Variants in LDLRAD4 observed in about 807,000 individuals in gnomAD.
LDLRAD4 encodes the protein low density lipoprotein receptor class A domain containing 4.
A neutral mutation model predicts 17.0 loss-of-function variants in LDLRAD4; 5 were observed. The ratio of observed to expected loss-of-function variants is 0.29; its 90% CI spans 0.15 to 0.62. The LOEUF is 0.62. Among genes scored for constraint, LDLRAD4 ranks in the 20% least tolerant of loss-of-function variants. The pLI, the probability that LDLRAD4 is intolerant of heterozygous loss-of-function variation, is 0.84. For missense variants in LDLRAD4, 340 were observed against 424.7 expected, an observed-to-expected ratio of 0.80 and a Z score of 1.75; for synonymous variants, 168 against 171.8, an observed-to-expected ratio of 0.98 and a Z score of 0.17.
chr18:13,281,781 G>T (rs1202617368), intron 1 of LDLRAD4, among the ~76,000 whole-genome samples: 1 of 152,122 alleles, frequency 6.6e-6, no homozygotes, highest in South Asian at 2.1e-4. Context: ...CTTACCTCCT[G>T]TCTCCTCCCG....
At chr18:13,490,199 G>GT (rs1300628296) in intron 3 of LDLRAD4, 6 of 152,160 alleles carry the variant, frequency 3.9e-5, no homozygotes, top group Non-Finnish European at 7.4e-5. Context: ...CTTCAGCTAT[G>GT]TTTATAACTC....
chr18:13,454,548 C>T (rs980762296), intron 3 of LDLRAD4, among the ~76,000 whole-genome samples: 3 of 152,130 alleles, frequency 2.0e-5, no homozygotes, highest in Non-Finnish European at 2.9e-5. Flanking sequence ...GGAAATCCAT[C>T]GGATGAAACA....
chr18:13,397,233 T>G (rs1480392732), intron 2 of LDLRAD4, among the ~76,000 whole-genome samples: 1 of 152,182 alleles, frequency 6.6e-6, no homozygotes, highest in Non-Finnish European at 1.5e-5. Context: ...AAGCTCCGCC[T>G]GCCTGGTTCA....
chr18:13,650,079 C>T, exon 6 of LDLRAD4: 3 of 398,690 alleles, frequency 7.5e-6, no homozygotes, highest in Non-Finnish European at 1.3e-5. Context: ...CGCCAGCTGC[C>T]AGCACCGCTA....
chr18:13,524,159 A>G (rs2093994793), intron 3 of LDLRAD4, among the ~76,000 whole-genome samples: 1 of 152,234 alleles, frequency 6.6e-6, no homozygotes, highest in Non-Finnish European at 1.5e-5. Flanking sequence ...GCCTCAGAGC[A>G]CCAGGGAAGC....
At chr18:13,497,724 T>C (rs1170766221) in intron 3 of LDLRAD4, among the ~76,000 whole-genome samples, 3 of 152,190 alleles carry the variant, frequency 2.0e-5, no homozygotes, top group African/African-American at 7.2e-5. Context: ...AGCCCTCCCT[T>C]TGGGGAGGAA....
intron 1 of LDLRAD4, among the ~76,000 whole-genome samples, chr18:13,272,253 G>A (rs1263359486): frequency 6.6e-6 from 1 of 152,142 alleles, no homozygotes; most frequent in Non-Finnish European, 1.5e-5. Flanking sequence ...CGGGGTCTGG[G>A]TTGCCTTGGT....
chr18:13,432,864 A>G (rs763018781), intron 2 of LDLRAD4, among the ~76,000 whole-genome samples: 31 of 152,282 alleles, frequency 2.0e-4, no homozygotes, highest in Non-Finnish European at 3.7e-4. Flanking sequence ...CTATAGGCAC[A>G]TGCCACCAAG....
At chr18:13,352,348 G>C (rs2083091078) in intron 1 of LDLRAD4, among the ~76,000 whole-genome samples, 1 of 152,092 alleles carries the variant, frequency 6.6e-6, no homozygotes, top group African/African-American at 2.4e-5. Flanking sequence ...TCAAGTTTTG[G>C]AACATACAGA....
At position 13,641,861 on chromosome 18, in the gene LDLRAD4, G is replaced by T. The variant is rs1017656102; in HGVS notation, c.337-1498G>T. ...TAAGGCCACTGGGGACAGTCACTAC[G>T]TTTTCAGGAACCGCTCAGCCCCTCT... On this transcript the variant is annotated intron_variant, in intron 4 of 5. Coordinates refer to ENST00000359446, the Ensembl canonical transcript of LDLRAD4. 17 of 985,376 alleles carry T rather than the reference G, an allele frequency of 1.7e-5. No individual in the cohort carries two copies. The African/African-American group carries it at 2.8e-4, about 16-fold the overall frequency. The allele number at this position is 985,376 out of a possible 1,614,324, so 61.0% of individuals were successfully genotyped here. A position where few individuals can be genotyped will look rare whatever the true frequency, so the allele number is the denominator to read the frequency against.
intron 4 of LDLRAD4, among the ~76,000 whole-genome samples, chr18:13,639,279 A>G (rs1786510): frequency 0.75 from 114,116 of 152,124 alleles, 43,897 homozygotes; most frequent in East Asian, 0.94. Context: ...AATGTTCTCC[A>G]TAGCATGTGG....
chr18:13,473,001 T>C (rs1169337862), intron 3 of LDLRAD4, among the ~76,000 whole-genome samples: 1 of 152,240 alleles, frequency 6.6e-6, no homozygotes, highest in Non-Finnish European at 1.5e-5. Flanking sequence ...AGCATTTGTT[T>C]GTAGAAGTCA....
rs140133138 is a variant in LDLRAD4, at chr18:13,444,449, G to A, written c.181+6065G>A. ...ATATCATAAATATGACATACAAAAT[G>A]TGTGTTAATCGACTTCTTATGTTAT... On this transcript the variant is annotated intron_variant, in intron 3 of 5. Coordinates refer to ENST00000359446, the Ensembl canonical transcript of LDLRAD4. Among the ~76,000 whole-genome samples, 224 of 152,318 alleles carry A rather than the reference G, an allele frequency of 1.5e-3. 8 individuals carry two copies. In the East Asian group the frequency reaches 0.037, roughly 25 times the overall value.
intron 1 of LDLRAD4, among the ~76,000 whole-genome samples, chr18:13,345,995 G>C (rs989423587): frequency 6.6e-6 from 1 of 151,878 alleles, no homozygotes; most frequent in Non-Finnish European, 1.5e-5. Context: ...TCTTGCTAGC[G>C]GTCTATCAAT....
intron 1 of LDLRAD4, among the ~76,000 whole-genome samples, chr18:13,335,576 C>T (rs1283695233): frequency 6.6e-6 from 1 of 152,102 alleles, no homozygotes; most frequent in Non-Finnish European, 1.5e-5. Flanking sequence ...AATCTTAGTT[C>T]TATAGTTAAA....
chr18:13,519,509 C>G (rs549416403), intron 3 of LDLRAD4, among the ~76,000 whole-genome samples: 3 of 152,198 alleles, frequency 2.0e-5, no homozygotes, highest in African/African-American at 7.2e-5. Flanking sequence ...GCCTGTAATC[C>G]TAGCATTTTG....
At chr18:13,457,369 T>TC in intron 3 of LDLRAD4, among the ~76,000 whole-genome samples, 1 of 152,286 alleles carries the variant, frequency 6.6e-6, no homozygotes, top group Middle Eastern at 3.4e-3. Flanking sequence ...GGCACCCCCC[T>TC]CCAAGAGCCT....
At chr18:13,610,174 G>A (rs750450012) in intron 3 of LDLRAD4, among the ~76,000 whole-genome samples, 22 of 150,728 alleles carry the variant, frequency 1.5e-4, no homozygotes, top group Non-Finnish European at 3.1e-4. Context: ...ATCCCAGAGC[G>A]GGCTATTTAT....
intron 3 of LDLRAD4, among the ~76,000 whole-genome samples, chr18:13,529,501 G>A (rs184195352): frequency 1.3e-5 from 2 of 152,304 alleles, no homozygotes; most frequent in East Asian, 3.9e-4. Flanking sequence ...CTTTTAGAAA[G>A]CCCTGTAGGA....
Sources: allele counts gnomAD v4.1 joint callset (sites outside exome capture counted in the v4.1 genomes callset), GRCh38; gene constraint gnomAD v4.1.1; transcripts MANE v1.5; gene names NCBI Gene and HGNC (gene_info 2026-07-23, HGNC 2026-07-21).